Variants in BTAF1 observed in about 807,000 individuals in gnomAD.
The protein encoded by BTAF1 is B-TFIID TATA-box binding protein associated factor 1, also known as TATA-binding protein-associated factor 172.
A neutral mutation model predicts 227.1 loss-of-function variants in BTAF1; 38 were observed. The observed-to-expected ratio is 0.17, with a 90% confidence interval of 0.13 to 0.22. BTAF1 has a LOEUF of 0.22. Ranked by LOEUF, BTAF1 falls within the 10% of genes least tolerant of loss-of-function variation. BTAF1 has a pLI of 1.00. For synonymous variants in BTAF1, 742 were observed against 751.9 expected (o/e 0.99, Z 0.21); for missense variants, 1,598 against 2,204.0 (o/e 0.73, Z 5.51).
At chr10:91,978,661 T>A (rs555770343) in intron 14 of BTAF1, among the ~76,000 whole-genome samples, 1 of 152,200 alleles carries the variant, frequency 6.6e-6, no homozygotes, top group South Asian at 2.1e-4. Flanking sequence ...AAAAAAGTCA[T>A]GTGGAGGGCA....
chr10:91,934,348 T>A (rs1426928494), intron 1 of BTAF1, among the ~76,000 whole-genome samples: 1 of 152,054 alleles, frequency 6.6e-6, no homozygotes, highest in African/African-American at 2.4e-5. Context: ...GCAATTATCC[T>A]GCCTCAGCCT....
chr10:92,002,008 ACACACACT>A (rs879278381), intron 25 of BTAF1, among the ~76,000 whole-genome samples: 4,500 of 85,726 alleles, frequency 0.052, 119 homozygotes, highest in South Asian at 0.12. Flanking sequence ...ACACACACAC[ACACACACT>A]CCATATATTC....
intron 35 of BTAF1, among the ~76,000 whole-genome samples, chr10:92,025,810 C>CAAAAAAAAAA (rs71025383): frequency 1.2e-5 from 1 of 86,898 alleles, no homozygotes; most frequent in Non-Finnish European, 2.2e-5. Flanking sequence ...GACTCTGTCT[C>CAAAAAAAAAA]AAAAAAAAAA....
Position 91,989,466 on chromosome 10 carries a change from T to C in BTAF1, c.2740T>C (p.Cys914Arg), listed in dbSNP as rs1344312178. The change falls in exon 20 of 38, where the codon TGT (cysteine) becomes CGT (arginine). Residue 914 changes from cysteine (C) to arginine (R), a missense_variant. By Grantham distance (180) the Cys-to-Arg change is radical. This residue lies in a region of BTAF1 where 425 missense variants were observed against 491.2 expected (regional missense o/e 0.87). Transcript: ENST00000265990. ...TCAGCAGTGCACAACAAGGACGCCC[T>C]GTCCCAATTCAAAAATTATTAAAAA... is the stretch of plus-strand genomic sequence containing the variant. ...LLQQCTTRTP[C>R]PNSKIIKNLC... 1 of 1,613,970 alleles carries C rather than the reference T, an allele frequency of 6.2e-7. No homozygotes were observed. Among genetic ancestry groups the C allele is most frequent in the Admixed American group, 1.7e-5 (1 of 60,014 alleles).
At chr10:91,996,993 T>C in intron 24 of BTAF1, 1 of 667,618 alleles carries the variant, frequency 1.5e-6, no homozygotes, top group Non-Finnish European at 2.3e-6. Flanking sequence ...ATGACCATAT[T>C]ATACTAGATA....
chr10:91,925,647 G>A (rs1315855282), intron 1 of BTAF1, among the ~76,000 whole-genome samples: 2 of 151,890 alleles, frequency 1.3e-5, no homozygotes, highest in African/African-American at 4.8e-5. Flanking sequence ...AAGTAGCTGG[G>A]ACCACAGGCA....
chr10:91,924,146 C>A (rs1715116675), intron 1 of BTAF1, 56 bp downstream of exon 1: 12 of 1,587,108 alleles, frequency 7.6e-6, no homozygotes, highest in Non-Finnish European at 1.0e-5. Flanking sequence ...GGCATGGTCT[C>A]CTCTTAGAGC....
chr10:91,960,035 A>C lies in BTAF1; in HGVS notation c.1144A>C (p.Met382Leu). The change falls in exon 11 of 38, where the codon ATG becomes CTG. Residue 382 changes from methionine (M) to leucine (L), a missense_variant. Around this residue, in one of 10 missense-constraint regions of BTAF1, gnomAD observed 52 missense variants for 72.4 expected, o/e 0.72. Transcript: ENST00000265990. ...AQTLGVVLKH[M>L]NETGVHKTVD... ...AACATTAGGTGTGGTTTTAAAACAC[A>C]TGAACGAAACAGGAGTTCATAAGAC... The C allele has an allele frequency of 6.2e-7, 1 of 1,613,622 alleles. No homozygotes were observed. The highest frequency in any genetic ancestry group is 8.5e-7 in the Non-Finnish European group (1 of 1,179,728).
Position 91,939,961 on chromosome 10 carries a change from T to C in BTAF1, c.148T>C (p.Tyr50His). The change falls in exon 3 of 38, where the codon TAT becomes CAT. Residue 50 changes from tyrosine to histidine, a missense_variant. Tyr to His is a moderately conservative substitution (Grantham distance 83). Coordinates refer to ENST00000265990, the MANE Select transcript of BTAF1 (RefSeq NM_003972.3). Reference sequence around the variant, plus strand: ...TTTTATAATTTTTAAGGTGTTGATATATTTAAGGAGTGCAAATTGGGATAC... The same window carrying C: ...TTTTATAATTTTTAAGGTGTTGATACATTTAAGGAGTGCAAATTGGGATAC... The part of the protein sequence containing the change: ...LNNLLSKVLI[Y>H]LRSANWDTRI... 1 of 1,608,672 alleles carries C rather than the reference T, an allele frequency of 6.2e-7. No individual in the cohort carries two copies.
rs111272331 is a variant in BTAF1, at chr10:91,987,414, C to T, written c.2428-1740C>T. 4.3e-3 allele frequency among the ~76,000 whole-genome samples: 648 copies of T among 152,026 alleles called. 2 individuals carry two copies. The highest frequency in any genetic ancestry group is 7.8e-3 in the Non-Finnish European group (529 of 67,988). ...AGGAGAATGGCGTGAACCCAGGAGG[C>T]GGAGCTTGCAGTGAACCAAGATCAC... On this transcript the variant is annotated intron_variant, in intron 19 of 37. Transcript: ENST00000265990.
intron 14 of BTAF1, among the ~76,000 whole-genome samples, chr10:91,975,483 G>A (rs1316465280): frequency 2.0e-5 from 3 of 152,160 alleles, no homozygotes; most frequent in Non-Finnish European, 4.4e-5. Context: ...TTGGAGAAAT[G>A]AATAGAACAA....
At chr10:92,025,810 CAAAAAAAAAAAAAA>C (rs71025383) in intron 35 of BTAF1, among the ~76,000 whole-genome samples, 1 of 86,900 alleles carries the variant, frequency 1.2e-5, no homozygotes, top group South Asian at 4.3e-4. Flanking sequence ...GACTCTGTCT[CAAAAAAAAAAAAAA>C]AAAAAAAACA....
intron 14 of BTAF1, among the ~76,000 whole-genome samples, chr10:91,979,423 T>C (rs1847926508): frequency 6.6e-6 from 1 of 152,194 alleles, no homozygotes; most frequent in African/African-American, 2.4e-5. Context: ...TTTCAAACCA[T>C]GTTGAGAACA....
rs753202577 is a variant in BTAF1 at position 92,000,662 on chromosome 10, A to G, written c.3660+2911A>G. 7.0e-4 allele frequency among the ~76,000 whole-genome samples: 106 copies of G among 152,206 alleles called. 1 individual carries two copies. The Middle Eastern group carries it at 0.014, about 20-fold the overall frequency. On this transcript the variant is annotated intron_variant, in intron 25 of 37. Transcript: ENST00000265990. The stretch of plus-strand genomic sequence containing the variant: ...AACCTTTGCCTCCTGGGTTCAAGCA[A>G]TTCTCCTGCCTCAGCCTCCCTAGTA...
chr10:91,951,375 A>T lies in BTAF1; in HGVS notation c.401-28A>T, dbSNP rs369977736. The T allele has an allele frequency of 2.5e-6, 4 of 1,595,858 alleles. No homozygotes were observed. The African/African-American group carries it at 5.4e-5, about 22-fold the overall frequency. On this transcript the variant is annotated intron_variant, in intron 4 of 37. Transcript: ENST00000265990. ...TTAGAAAACTTCTTAACTGATTTGG[A>T]GAAAACGTATTTCTTTTCTGTTGAA...
chr10:92,014,100 C>G (rs1458526128), intron 32 of BTAF1, 71 bp downstream of exon 32: 1 of 1,479,770 alleles, frequency 6.8e-7, no homozygotes, highest in Non-Finnish European at 9.1e-7. Context: ...AGCCACAAAA[C>G]TATTGAATAA....
intron 34 of BTAF1, among the ~76,000 whole-genome samples, chr10:92,023,407 G>T (rs560840520): frequency 2.8e-4 from 42 of 152,198 alleles, no homozygotes; most frequent in Middle Eastern, 6.8e-3. Context: ...TCTTAGATTG[G>T]CCCGGTACAG....
In BTAF1 at chr10:92,008,234, A is replaced by C. The variant is rs1850061897; in HGVS notation, c.3772A>C (p.Ile1258Leu). Reference protein sequence around the residue: ...LDGKKLENYKIPVPINAELRK... With the variant: ...LDGKKLENYKLPVPINAELRK... Reference sequence around the variant, plus strand: ...TGGGAAAAAATTGGAAAATTATAAAATTCCAGTACCAATCAATGCTGAACT... The same window carrying C: ...TGGGAAAAAATTGGAAAATTATAAACTTCCAGTACCAATCAATGCTGAACT... The change falls in exon 26 of 38, where the codon ATT (isoleucine) becomes CTT (leucine). Residue 1258 changes from isoleucine (I) to leucine (L), a missense_variant. Physicochemically the swap from Ile to Leu is conservative, Grantham distance 5. This residue lies in a region of BTAF1 where 184 missense variants were observed against 341.1 expected (regional missense o/e 0.54). Coordinates refer to ENST00000265990, the MANE Select transcript of BTAF1 (RefSeq NM_003972.3). 6.3e-7 allele frequency: 1 copy of C among 1,596,932 alleles called. No homozygotes were observed.
At chr10:91,999,879 G>T (rs1325944899) in intron 25 of BTAF1, among the ~76,000 whole-genome samples, 1 of 151,908 alleles carries the variant, frequency 6.6e-6, no homozygotes, top group East Asian at 1.9e-4. Context: ...AAAGAAACTT[G>T]GTGATAAAGG....
Sources: gnomAD v4.1 joint callset for allele counts (sites outside exome capture counted in the v4.1 genomes callset) on GRCh38, gnomAD v4.1.1 for gene constraint, gnomAD v4.1.1 regional missense constraint, MANE v1.5 for transcripts, NCBI Gene and HGNC (gene_info 2026-07-23, HGNC 2026-07-21) for gene names.